Variants in MYO18B observed in about 807,000 individuals in gnomAD.
MYO18B encodes unconventional myosin-XVIIIb.
Under a neutral mutation model 273.0 loss-of-function variants are expected in MYO18B, and 204 were observed. That is an observed-to-expected ratio of 0.75 (90% CI 0.67 to 0.84). The LOEUF (loss-of-function observed/expected upper bound fraction) is 0.84. MYO18B is among the 40% of genes least tolerant of loss of function. The pLI is 0.00. For missense variants in MYO18B, 3,212 were observed against 3,287.6 expected (o/e 0.98, Z 0.56); for synonymous variants, 1,330 against 1,305.7 (o/e 1.02, Z -0.40).
chr22:25,902,128 A>C (rs561086048), intron 29 of MYO18B, among the ~76,000 whole-genome samples: 2 of 152,130 alleles, frequency 1.3e-5, no homozygotes, highest in African/African-American at 4.8e-5. Flanking sequence ...GTGAGCCACC[A>C]TGCCTGGCCA....
At chr22:25,995,258 T>C (rs1169178464) in intron 40 of MYO18B, among the ~76,000 whole-genome samples, 1 of 152,160 alleles carries the variant, frequency 6.6e-6, no homozygotes, top group Non-Finnish European at 1.5e-5. Flanking sequence ...CCCATGGGAA[T>C]AGACAGTAGG....
intron 21 of MYO18B, among the ~76,000 whole-genome samples, 155 bp from the exon 22 acceptor site, chr22:25,868,165 C>T (rs957774882): frequency 1.3e-5 from 2 of 152,218 alleles, no homozygotes; most frequent in African/African-American, 4.8e-5. Flanking sequence ...GCACCTGCAC[C>T]TTCCTGTGTG....
chr22:25,819,008 C>G (rs753581443), intron 12 of MYO18B, among the ~76,000 whole-genome samples: 1 of 152,132 alleles, frequency 6.6e-6, no homozygotes, highest in African/African-American at 2.4e-5. Flanking sequence ...TTGCCCAGTT[C>G]CTTTTCTCCC....
At chr22:25,977,998 A>C (rs1364824491) in intron 39 of MYO18B, among the ~76,000 whole-genome samples, 3 of 152,168 alleles carry the variant, frequency 2.0e-5, no homozygotes, top group Non-Finnish European at 2.9e-5. Context: ...ATGCTACCCA[A>C]GTTATGAATT....
chr22:25,926,131 G>C (rs991295020), intron 34 of MYO18B, among the ~76,000 whole-genome samples: 1 of 151,936 alleles, frequency 6.6e-6, no homozygotes, highest in African/African-American at 2.4e-5. Context: ...CATGAACCTA[G>C]GAGGTGGAGC....
intron 1 of MYO18B, among the ~76,000 whole-genome samples, 157 bp from the exon 2 acceptor site, chr22:25,760,827 C>G (rs2086287622): frequency 6.6e-6 from 1 of 152,192 alleles, no homozygotes; most frequent in East Asian, 1.9e-4. Flanking sequence ...CCTGCCTGAC[C>G]ATCCTCCTTG....
intron 42 of MYO18B, among the ~76,000 whole-genome samples, chr22:26,023,642 A>G (rs1004395878): frequency 6.6e-6 from 1 of 152,078 alleles, no homozygotes; most frequent in African/African-American, 2.4e-5. Flanking sequence ...AGATTCAGTG[A>G]CAGGAGCCCT....
At chr22:25,908,535 G>A (rs2092094394) in intron 32 of MYO18B, 103 bp downstream of exon 32, 1 of 952,794 alleles carries the variant, frequency 1.0e-6, no homozygotes, top group African/African-American at 1.6e-5. Context: ...GGGATCTGGG[G>A]ACAAGCTCTT....
At chr22:25,836,687 G>A (rs1049040077) in intron 17 of MYO18B, among the ~76,000 whole-genome samples, 1 of 152,140 alleles carries the variant, frequency 6.6e-6, no homozygotes, top group Non-Finnish European at 1.5e-5. Flanking sequence ...GTGGCCGGGC[G>A]CAGTGGCTCA....
At chr22:25,927,922 T>C (rs13057309) in intron 34 of MYO18B, among the ~76,000 whole-genome samples, 1,714 of 152,302 alleles carry the variant, frequency 0.011, 14 homozygotes, top group East Asian at 0.032. Context: ...GAGGAGGCCC[T>C]TAATTTTGCT....
chr22:26,037,275 T>C, the MYO18B span, among the ~76,000 whole-genome samples: 35 of 152,322 alleles, frequency 2.3e-4, 2 homozygotes, highest in Admixed American at 2.0e-3. Context: ...TCTTGGTTTC[T>C]TCTCGAGTAA....
At chr22:25,921,441 G>A in intron 34 of MYO18B, 32 bp downstream of exon 34, 1 of 1,588,316 alleles carries the variant, frequency 6.3e-7, no homozygotes, top group Non-Finnish European at 8.6e-7. Flanking sequence ...TGAGAATCAG[G>A]CTGGGGAGGA....
chr22:25,829,028 G>A, intron 15 of MYO18B, 60 bp downstream of exon 15: 1 of 1,546,228 alleles, frequency 6.5e-7, no homozygotes, highest in Non-Finnish European at 8.8e-7. Context: ...AAGGTCAGAT[G>A]GGAAGGGGTG....
At chr22:25,817,101 C>T (rs916661691) in intron 12 of MYO18B, among the ~76,000 whole-genome samples, 1 of 152,126 alleles carries the variant, frequency 6.6e-6, no homozygotes, top group East Asian at 1.9e-4. Flanking sequence ...CATTTTGTAT[C>T]GACATAAAGG....
intron 42 of MYO18B, among the ~76,000 whole-genome samples, chr22:26,009,852 A>AGC (rs1463808019): frequency 2.0e-5 from 3 of 152,152 alleles, no homozygotes; most frequent in African/African-American, 7.2e-5. Context: ...TTGGCTCTGC[A>AGC]GCTTTCAGCA....
At chr22:25,961,555 A>G (rs1245405856) in intron 39 of MYO18B, among the ~76,000 whole-genome samples, 1 of 152,148 alleles carries the variant, frequency 6.6e-6, no homozygotes, top group African/African-American at 2.4e-5. Context: ...CTGGCTGTAG[A>G]TTATTCCTGT....
chr22:25,868,328 G>A lies in MYO18B; in HGVS notation c.3894G>A (p.Glu1298=). 1 of 1,602,686 alleles carries A rather than the reference G, an allele frequency of 6.2e-7. No individual in the cohort carries two copies. Among genetic ancestry groups the A allele is most frequent in the African/African-American group, 1.3e-5 (1 of 74,912 alleles). The stretch of plus-strand genomic sequence containing the variant: ...TCTAATTTTTTCCCCAGGCCGTGGA[G>A]GAGCTCCTGGAGACCCTGGATCTGG... ...SEGIDERKAV[E]ELLETLDLEK... Residue 1298 remains glutamate, a synonymous_variant, in exon 22 of 44, where the codon GAG becomes GAA. Transcript: ENST00000335473.
the MYO18B span, among the ~76,000 whole-genome samples, chr22:26,060,368 GA>G: frequency 6.6e-6 from 1 of 152,208 alleles, no homozygotes; most frequent in East Asian, 1.9e-4. Flanking sequence ...GGAAATATCA[GA>G]GAAACCACCT....
intron 12 of MYO18B, among the ~76,000 whole-genome samples, chr22:25,802,966 CT>C (rs557925408): frequency 1.5e-3 from 201 of 134,878 alleles, no homozygotes; most frequent in Middle Eastern, 3.9e-3. Context: ...TTTTTTCTTT[CT>C]TTTTTTTTTT....
Sources: gnomAD v4.1 joint callset for allele counts (sites outside exome capture counted in the v4.1 genomes callset) on GRCh38, gnomAD v4.1.1 for gene constraint, MANE v1.5 for transcripts, NCBI Gene and HGNC (gene_info 2026-07-23, HGNC 2026-07-21) for gene names.